The following EYS variants were observed in gnomAD, a reference collection of about 807,000 sequenced individuals.
EYS encodes the protein EGF-like photoreceptor maintenance factor.
A neutral mutation model predicts 282.1 loss-of-function variants in EYS; 250 were observed. That is an observed-to-expected ratio of 0.89 (90% CI 0.80 to 0.98). EYS has a LOEUF of 0.98. Ranked by LOEUF, EYS falls within the 50% of genes least tolerant of loss-of-function variation. The probability of loss-of-function intolerance (pLI) is 0.00; values close to 1 mark genes in which losing one functional copy is unlikely to be tolerated. For synonymous variants in EYS, 1,355 were observed against 1,282.9 expected, an observed-to-expected ratio of 1.06 and a Z score of -1.20; for missense variants, 4,016 against 3,709.0, an observed-to-expected ratio of 1.08 and a Z score of -2.15.
intron 30 of EYS, among the ~76,000 whole-genome samples, chr6:64,300,327 A>G (rs1769190453): frequency 6.6e-6 from 1 of 152,188 alleles, no homozygotes. Context: ...AGGCAAGTGC[A>G]ACACTGCTGC....
intron 41 of EYS, among the ~76,000 whole-genome samples, chr6:63,759,903 T>C (rs1769589167): frequency 6.6e-6 from 1 of 152,022 alleles, no homozygotes; most frequent in South Asian, 2.1e-4. Context: ...ACATCTCCAT[T>C]AGTAAGAATC....
chr6:64,108,507 C>CTTTTTTT (rs530004392), intron 31 of EYS, among the ~76,000 whole-genome samples: 100 of 116,834 alleles, frequency 8.6e-4, no homozygotes, highest in Middle Eastern at 5.1e-3. Context: ...TCCACTACTG[C>CTTTTTTT]TTTTTTTTTT....
intron 5 of EYS, among the ~76,000 whole-genome samples, chr6:65,475,616 A>T (rs542680816): frequency 1.3e-5 from 2 of 152,214 alleles, no homozygotes; most frequent in African/African-American, 4.8e-5. Context: ...AACATCTGGG[A>T]TTTACTCAGA....
At chr6:63,852,250 A>T (rs919923973) in intron 36 of EYS, among the ~76,000 whole-genome samples, 2 of 151,928 alleles carry the variant, frequency 1.3e-5, no homozygotes, top group Non-Finnish European at 2.9e-5. Flanking sequence ...GACTAATAAG[A>T]AAAGGGAGAA....
chr6:63,931,749 C>G (rs1279767113), intron 35 of EYS, among the ~76,000 whole-genome samples: 1 of 152,160 alleles, frequency 6.6e-6, no homozygotes, highest in Admixed American at 6.5e-5. Context: ...CTCATCACCT[C>G]AAACATTGAT....
At chr6:64,088,155 C>T (rs936696850) in intron 31 of EYS, among the ~76,000 whole-genome samples, 1 of 152,018 alleles carries the variant, frequency 6.6e-6, no homozygotes, top group Non-Finnish European at 1.5e-5. Flanking sequence ...AACAGAACTG[C>T]CCTGAATATG....
intron 12 of EYS, among the ~76,000 whole-genome samples, chr6:65,277,007 T>C (rs543323958): frequency 6.6e-6 from 1 of 152,286 alleles, no homozygotes; most frequent in Admixed American, 6.5e-5. Context: ...AAACTACATG[T>C]TTATGTTCCC....
intron 28 of EYS, among the ~76,000 whole-genome samples, chr6:64,397,595 G>T (rs1164584016): frequency 2.0e-5 from 3 of 151,786 alleles, no homozygotes; most frequent in Non-Finnish European, 4.4e-5. Flanking sequence ...TTTGTTATTG[G>T]TATTGGTTTT....
rs1254741329 is a variant in EYS, at chr6:63,721,285, A to G, written c.8746T>C (p.Cys2916Arg). The G allele has an allele frequency of 2.6e-6, 4 of 1,551,892 alleles. No homozygotes were observed. The highest frequency in any genetic ancestry group is 3.5e-6 in the Non-Finnish European group (4 of 1,147,020). Residue 2916 changes from cysteine (C) to arginine (R), a missense_variant, in exon 43 of 43, where the codon TGT (cysteine) becomes CGT (arginine). Physicochemically the swap from Cys to Arg is radical, Grantham distance 180. Coordinates refer to ENST00000503581, the MANE Select transcript of EYS (RefSeq NM_001142800.2). ...AGNTCNQSVS[C>R]LNNLCLHQSL... ...TGGTGGAGGCAAAGATTATTCAAACAGGACACAGACTGGTTACATGTATTT... is the reference window on the plus strand; with the variant it reads ...TGGTGGAGGCAAAGATTATTCAAACGGGACACAGACTGGTTACATGTATTT...
chr6:63,794,711 T>C (rs1408932969), intron 37 of EYS, among the ~76,000 whole-genome samples: 1 of 152,216 alleles, frequency 6.6e-6, no homozygotes, highest in East Asian at 1.9e-4. Flanking sequence ...TATTTTTATA[T>C]TTGTCAAGTC....
At chr6:65,137,783 G>A (rs993923367) in intron 12 of EYS, among the ~76,000 whole-genome samples, 3 of 151,858 alleles carry the variant, frequency 2.0e-5, no homozygotes, top group African/African-American at 7.3e-5. Flanking sequence ...TATTTAAGAG[G>A]AACAAGTTTA....
At chr6:65,473,562 A>T (rs1765293837) in intron 5 of EYS, among the ~76,000 whole-genome samples, 1 of 151,952 alleles carries the variant, frequency 6.6e-6, no homozygotes, top group Non-Finnish European at 1.5e-5. Context: ...ATGCAAGAGA[A>T]AACCAATAAT....
chr6:63,927,504 G>A (rs554778103), intron 35 of EYS, among the ~76,000 whole-genome samples: 3 of 152,298 alleles, frequency 2.0e-5, no homozygotes, highest in East Asian at 1.9e-4. Flanking sequence ...AATGTCACTC[G>A]AATTGAGATG....
chr6:65,545,007 G>T (rs1768329091), intron 2 of EYS, among the ~76,000 whole-genome samples: 1 of 151,958 alleles, frequency 6.6e-6, no homozygotes, highest in Non-Finnish European at 1.5e-5. Context: ...AAAGTATTAA[G>T]GCAGTTACTT....
chr6:64,181,520 G>A (rs1380819097), intron 31 of EYS, among the ~76,000 whole-genome samples: 1 of 151,972 alleles, frequency 6.6e-6, no homozygotes, highest in East Asian at 1.9e-4. Context: ...AACACACAAT[G>A]AATATTAACT....
intron 22 of EYS, among the ~76,000 whole-genome samples, chr6:64,670,742 T>C (rs1769427506): frequency 6.6e-6 from 1 of 152,162 alleles, no homozygotes; most frequent in South Asian, 2.1e-4. Context: ...GCCAAAGACA[T>C]AAGTACATTT....
At position 64,364,830 on chromosome 6, in the gene EYS, T is replaced by G. The variant is rs544980471; in HGVS notation, c.6078+23860A>C. The stretch of plus-strand genomic sequence containing the variant: ...TACACTATTTGGGTGATAGGTACAC[T>G]AAATGCTCAGACTTCATTACTGCAC... On this transcript the variant is annotated intron_variant, in intron 29 of 42. Transcript: ENST00000503581. Among the ~76,000 whole-genome samples, 18 of 152,050 alleles carry G rather than the reference T, an allele frequency of 1.2e-4. 1 individual carries two copies. The South Asian group carries it at 3.7e-3, about 31-fold the overall frequency.
At chr6:64,967,537 C>T (rs1024792760) in intron 14 of EYS, among the ~76,000 whole-genome samples, 27 of 152,020 alleles carry the variant, frequency 1.8e-4, no homozygotes, top group African/African-American at 6.0e-4. Flanking sequence ...AGGCTGGTCT[C>T]GAAGTCCCGA....
intron 22 of EYS, among the ~76,000 whole-genome samples, chr6:64,707,754 T>A (rs574424163): frequency 4.2e-4 from 64 of 151,806 alleles, no homozygotes; most frequent in African/African-American, 1.4e-3. Context: ...TCACCACTTA[T>A]TTATGTAACC....
Sources: gnomAD v4.1 joint callset for allele counts (sites outside exome capture counted in the v4.1 genomes callset) on GRCh38, gnomAD v4.1.1 for gene constraint, MANE v1.5 for transcripts, NCBI Gene and HGNC (gene_info 2026-07-23, HGNC 2026-07-21) for gene names.